Variants in NEGR1 observed in about 807,000 individuals in gnomAD.
The protein encoded by NEGR1 is neuronal growth regulator 1.
In NEGR1, 10 loss-of-function variants were observed where a neutral mutation model predicts 40.9. The observed-to-expected ratio is 0.24, with a 90% CI of 0.15 to 0.42. The LOEUF (loss-of-function observed/expected upper bound fraction) is 0.42. Ranked by LOEUF, NEGR1 falls within the 10% of genes least tolerant of loss-of-function variation. The pLI is 1.00. For missense variants in NEGR1, 352 were observed against 438.9 expected, an observed-to-expected ratio of 0.80 and a Z score of 1.77; for synonymous variants, 185 against 166.8, an observed-to-expected ratio of 1.11 and a Z score of -0.84.
chr1:72,189,616 A>T (rs1652744346), intron 1 of NEGR1, among the ~76,000 whole-genome samples: 1 of 151,554 alleles, frequency 6.6e-6, no homozygotes, highest in Non-Finnish European at 1.5e-5. Context: ...AGTCCAAAGT[A>T]GGCCCTTAGA....
intron 1 of NEGR1, among the ~76,000 whole-genome samples, chr1:72,030,974 G>A (rs562191117): frequency 7.2e-5 from 11 of 152,164 alleles, no homozygotes; most frequent in Admixed American, 4.6e-4. Flanking sequence ...AAATTAAGTC[G>A]TAAGAGTTTA....
chr1:72,025,199 CA>C (rs554431918), intron 1 of NEGR1, among the ~76,000 whole-genome samples: 2 of 152,032 alleles, frequency 1.3e-5, no homozygotes, highest in South Asian at 4.2e-4. Context: ...TTGACTCCAT[CA>C]AAAAAAGCCA....
At chr1:72,254,009 T>C (rs572310148) in intron 1 of NEGR1, among the ~76,000 whole-genome samples, 2 of 152,296 alleles carry the variant, frequency 1.3e-5, no homozygotes, top group East Asian at 1.9e-4. Flanking sequence ...GGTCAATGAA[T>C]ACATTTTCCA....
chr1:71,729,149 C>A (rs539966497), intron 3 of NEGR1, among the ~76,000 whole-genome samples: 1 of 152,070 alleles, frequency 6.6e-6, no homozygotes, highest in East Asian at 1.9e-4. Context: ...GACTCTCCTA[C>A]CCCAGGGATT....
At position 71,851,764 on chromosome 1, in the gene NEGR1, TA is replaced by T. The variant is rs932437754; in HGVS notation, c.410-75468del. On this transcript the variant is annotated intron_variant, in intron 2 of 6. Coordinates refer to ENST00000357731, the MANE Select transcript of NEGR1 (RefSeq NM_173808.3). ...TCTATTTACTTCTTTGTTTGCTCAT[TA>T]AAAAAAATTATGTAGTATAGTAAAC... 1.8e-4 allele frequency among the ~76,000 whole-genome samples: 28 copies of T among 152,052 alleles called. No individual in the cohort carries two copies. The East Asian group carries it at 1.9e-3, about 10-fold the overall frequency.
chr1:72,066,146 T>C (rs370822878), intron 1 of NEGR1, among the ~76,000 whole-genome samples: 32 of 152,230 alleles, frequency 2.1e-4, no homozygotes, highest in African/African-American at 7.7e-4. Flanking sequence ...TGTCATGAAT[T>C]GCATTTAAAG....
chr1:71,867,311 T>C (rs181607039), intron 2 of NEGR1, among the ~76,000 whole-genome samples: 23 of 152,150 alleles, frequency 1.5e-4, no homozygotes, highest in Admixed American at 1.0e-3. Context: ...GAGGTGGAGG[T>C]TGCAGTGAGT....
At chr1:71,659,068 G>T (rs1288184111) in intron 4 of NEGR1, among the ~76,000 whole-genome samples, 1 of 152,140 alleles carries the variant, frequency 6.6e-6, no homozygotes, top group African/African-American at 2.4e-5. Flanking sequence ...TTGGGTTGAG[G>T]TAGAAAGACT....
At chr1:72,282,256 G>A in intron 1 of NEGR1, 63 bp downstream of exon 1, 2 of 1,576,682 alleles carry the variant, frequency 1.3e-6, no homozygotes, top group Non-Finnish European at 1.7e-6. Context: ...AAGGCAAAGA[G>A]GGTTCAAAGA....
chr1:72,251,557 C>T (rs984595264), intron 1 of NEGR1, among the ~76,000 whole-genome samples: 1 of 152,088 alleles, frequency 6.6e-6, no homozygotes, highest in Non-Finnish European at 1.5e-5. Flanking sequence ...ATATAACCTA[C>T]CCTCATCCTT....
At chr1:71,752,237 A>C (rs943483382) in intron 3 of NEGR1, among the ~76,000 whole-genome samples, 6 of 152,196 alleles carry the variant, frequency 3.9e-5, no homozygotes, top group African/African-American at 1.4e-4. Flanking sequence ...ACTTGGTAGA[A>C]AACATTTTCT....
intron 3 of NEGR1, among the ~76,000 whole-genome samples, chr1:71,699,553 T>TA (rs1348915534): frequency 1.3e-5 from 2 of 151,850 alleles, no homozygotes; most frequent in East Asian, 1.9e-4. Context: ...AAATATATAT[T>TA]AAAAAAACAA....
intron 1 of NEGR1, among the ~76,000 whole-genome samples, chr1:72,261,956 T>A (rs546975174): frequency 3.6e-4 from 55 of 152,164 alleles, no homozygotes; most frequent in Non-Finnish European, 7.4e-4. Flanking sequence ...GCCTAGACTT[T>A]GCCATTACAC....
chr1:71,816,755 A>G (rs1033022909), intron 2 of NEGR1, among the ~76,000 whole-genome samples: 1 of 151,900 alleles, frequency 6.6e-6, no homozygotes, highest in African/African-American at 2.4e-5. Context: ...CTACCAATTA[A>G]TCTGCATCTG....
chr1:72,218,816 G>C (rs926639902), intron 1 of NEGR1, among the ~76,000 whole-genome samples: 1 of 151,980 alleles, frequency 6.6e-6, no homozygotes, highest in Admixed American at 6.6e-5. Flanking sequence ...AATATAAAGA[G>C]AGCCCTATTT....
chr1:71,665,879 T>G (rs1450980602), intron 4 of NEGR1, among the ~76,000 whole-genome samples: 1 of 152,212 alleles, frequency 6.6e-6, no homozygotes, highest in Non-Finnish European at 1.5e-5. Flanking sequence ...TGCATTTTGT[T>G]TTGAACCTCA....
intron 2 of NEGR1, among the ~76,000 whole-genome samples, chr1:71,868,298 CAAAT>C (rs1184725419): frequency 6.6e-6 from 1 of 152,128 alleles, no homozygotes; most frequent in Non-Finnish European, 1.5e-5. Flanking sequence ...AAATCTCAAT[CAAAT>C]GAATTCCCAA....
intron 3 of NEGR1, among the ~76,000 whole-genome samples, chr1:71,702,859 G>A (rs1653746803): frequency 6.6e-6 from 1 of 151,994 alleles, no homozygotes; most frequent in African/African-American, 2.4e-5. Context: ...CAATTTTCAA[G>A]CATCAAGCTC....
chr1:71,805,250 C>T (rs1207557495), intron 2 of NEGR1, among the ~76,000 whole-genome samples: 4 of 152,158 alleles, frequency 2.6e-5, no homozygotes, highest in Non-Finnish European at 5.9e-5. Flanking sequence ...TGTGATCTTG[C>T]CCTGCCTCCA....
Sources: gnomAD v4.1 joint callset for allele counts (sites outside exome capture counted in the v4.1 genomes callset) on GRCh38, gnomAD v4.1.1 for gene constraint, MANE v1.5 for transcripts, NCBI Gene and HGNC (gene_info 2026-07-23, HGNC 2026-07-21) for gene names.